GRID2: variants seen among roughly 807,000 people sequenced by gnomAD.
The protein encoded by GRID2 is glutamate receptor ionotropic, delta-2.
GRID2 carries 33 observed loss-of-function variants against 114.8 expected under a neutral mutation model. The observed-to-expected ratio is 0.29, with a 90% CI of 0.22 to 0.38. The LOEUF is 0.38. Ranked by LOEUF, GRID2 falls within the 10% of genes least tolerant of loss-of-function variation. The pLI is 1.00. For missense variants in GRID2, 1,184 were observed against 1,257.7 expected (o/e 0.94, Z 0.89); for synonymous variants, 505 against 449.9 (o/e 1.12, Z -1.55).
intron 8 of GRID2, among the ~76,000 whole-genome samples, chr4:93,314,848 G>GT (rs1234970228): frequency 3.3e-5 from 5 of 151,484 alleles, no homozygotes; most frequent in Non-Finnish European, 4.4e-5. Context: ...GCCATTTTTT[G>GT]TTTTTTTGGT....
intron 4 of GRID2, among the ~76,000 whole-genome samples, chr4:93,143,643 A>G (rs765080225): frequency 1.3e-5 from 2 of 152,168 alleles, no homozygotes; most frequent in East Asian, 3.8e-4. Flanking sequence ...TTAATTTATA[A>G]AAAAATCACA....
At chr4:92,637,958 CA>C (rs1731152232) in intron 2 of GRID2, among the ~76,000 whole-genome samples, 1 of 151,874 alleles carries the variant, frequency 6.6e-6, no homozygotes, top group Admixed American at 6.6e-5. Flanking sequence ...TGCAAATTTG[CA>C]ATTTAGGAAA....
At chr4:93,016,775 A>G (rs968592415) in intron 2 of GRID2, among the ~76,000 whole-genome samples, 3 of 152,224 alleles carry the variant, frequency 2.0e-5, no homozygotes, top group Admixed American at 2.0e-4. Context: ...AATGCAAGCC[A>G]TATTAGATAT....
intron 10 of GRID2, among the ~76,000 whole-genome samples, chr4:93,447,247 C>T (rs1019447933): frequency 6.6e-6 from 1 of 151,908 alleles, no homozygotes; most frequent in African/African-American, 2.4e-5. Flanking sequence ...TCTTTAAACT[C>T]TACTTAATTA....
intron 1 of GRID2, among the ~76,000 whole-genome samples, chr4:92,487,466 C>A (rs539167215): frequency 1.3e-5 from 2 of 151,818 alleles, no homozygotes; most frequent in Non-Finnish European, 2.9e-5. Context: ...AAGTTTTTGC[C>A]AGTTTCTTCA....
intron 1 of GRID2, among the ~76,000 whole-genome samples, chr4:92,309,069 C>T (rs116410079): frequency 0.031 from 4,777 of 151,978 alleles, 236 homozygotes; most frequent in African/African-American, 0.11. Context: ...TTGCTTTCTA[C>T]GCCAGGTGAA....
At position 93,471,833 on chromosome 4, in the gene GRID2, T is replaced by A. The variant is rs185923404; in HGVS notation, c.1858+15859T>A. Among the ~76,000 whole-genome samples the A allele has an allele frequency of 7.8e-3, 1,161 of 149,084 alleles. 14 individuals are homozygous for A. Among genetic ancestry groups the A allele is most frequent in the African/African-American group, 0.027 (1,113 of 40,506 alleles). The stretch of plus-strand genomic sequence containing the variant: ...CTCCTTCCTTAGCCTCCAAAGTAGC[T>A]GGGATTACAGGCACACACCACCACG... On this transcript the variant is annotated intron_variant, in intron 11 of 15. Coordinates refer to ENST00000282020, the MANE Select transcript of GRID2 (RefSeq NM_001510.4).
At chr4:92,671,091 CAT>C (rs1443530204) in intron 2 of GRID2, among the ~76,000 whole-genome samples, 1 of 152,052 alleles carries the variant, frequency 6.6e-6, no homozygotes, top group African/African-American at 2.4e-5. Context: ...TTAATTGACT[CAT>C]AGTTCCACAG....
chr4:93,098,220 T>G (rs971227880), intron 3 of GRID2, among the ~76,000 whole-genome samples: 1 of 152,104 alleles, frequency 6.6e-6, no homozygotes, highest in South Asian at 2.1e-4. Context: ...TGTTTTACCT[T>G]CATTGTGTTA....
intron 2 of GRID2, among the ~76,000 whole-genome samples, chr4:92,984,042 G>A (rs1754368394): frequency 6.6e-6 from 1 of 152,120 alleles, no homozygotes; most frequent in African/African-American, 2.4e-5. Flanking sequence ...GATAAAATAA[G>A]AAACTTCAAT....
intron 2 of GRID2, among the ~76,000 whole-genome samples, chr4:92,843,924 C>T (rs1743100201): frequency 6.6e-6 from 1 of 152,068 alleles, no homozygotes; most frequent in Non-Finnish European, 1.5e-5. Flanking sequence ...GATTTTGTAA[C>T]AATGCATTCG....
intron 2 of GRID2, among the ~76,000 whole-genome samples, chr4:92,778,494 G>A (rs969136914): frequency 6.6e-6 from 1 of 152,036 alleles, no homozygotes; most frequent in Non-Finnish European, 1.5e-5. Flanking sequence ...GATAGGTTCA[G>A]GGACCTAGAA....
chr4:92,719,105 G>A (rs71599253), intron 2 of GRID2, among the ~76,000 whole-genome samples: 23,003 of 151,690 alleles, frequency 0.15, 1,937 homozygotes, highest in Middle Eastern at 0.28. Flanking sequence ...TCCTGTCTCA[G>A]CCACCCAAGT....
At chr4:93,284,488 TG>T (rs1467354296) in intron 8 of GRID2, among the ~76,000 whole-genome samples, 2 of 151,932 alleles carry the variant, frequency 1.3e-5, no homozygotes, top group Non-Finnish European at 2.9e-5. Context: ...AACCTGCACA[TG>T]TACCCCTGAA....
chr4:92,871,865 G>GT (rs1020574807), intron 2 of GRID2, among the ~76,000 whole-genome samples: 1 of 152,122 alleles, frequency 6.6e-6, no homozygotes, highest in Non-Finnish European at 1.5e-5. Context: ...AAATGAAAAT[G>GT]TTTTTTACTA....
At chr4:92,942,904 C>G (rs1477599059) in intron 2 of GRID2, among the ~76,000 whole-genome samples, 5 of 152,178 alleles carry the variant, frequency 3.3e-5, no homozygotes, top group African/African-American at 9.6e-5. Context: ...GGCCCCCACT[C>G]TCTTCTGGCT....
intron 1 of GRID2, among the ~76,000 whole-genome samples, chr4:92,311,171 A>G (rs564476338): frequency 1.4e-4 from 21 of 152,078 alleles, no homozygotes; most frequent in Non-Finnish European, 2.8e-4. Context: ...TGTATCAACT[A>G]TCATTGTGTA....
chr4:93,333,496 T>C, intron 8 of GRID2, among the ~76,000 whole-genome samples: 1 of 152,136 alleles, frequency 6.6e-6, no homozygotes, highest in East Asian at 1.9e-4. Context: ...TGTGGCAAAT[T>C]CAAAACCTTT....
intron 2 of GRID2, among the ~76,000 whole-genome samples, chr4:92,699,723 T>C (rs1452100985): frequency 1.3e-5 from 2 of 152,212 alleles, no homozygotes; most frequent in African/African-American, 2.4e-5. Flanking sequence ...TACTCATCTT[T>C]ATATATGTTT....
Sources: gnomAD v4.1 joint callset for allele counts (sites outside exome capture counted in the v4.1 genomes callset) on GRCh38, gnomAD v4.1.1 for gene constraint, MANE v1.5 for transcripts, NCBI Gene and HGNC (gene_info 2026-07-23, HGNC 2026-07-21) for gene names.